LNPK: variants seen among roughly 807,000 people sequenced by gnomAD.
LNPK encodes endoplasmic reticulum junction formation protein lunapark.
In LNPK, 29 loss-of-function variants were observed where a neutral mutation model predicts 55.2. The observed-to-expected ratio is 0.53, with a 90% CI of 0.39 to 0.72. LNPK has a LOEUF of 0.72. Ranked by LOEUF, LNPK falls within the 30% of genes least tolerant of loss-of-function variation. LNPK has a pLI of 0.00. For synonymous variants in LNPK, 162 were observed against 168.2 expected (o/e 0.96, Z 0.29); for missense variants, 467 against 494.8 (o/e 0.94, Z 0.53).
At chr2:175,940,341 A>G (rs1458023259) in intron 9 of LNPK, among the ~76,000 whole-genome samples, 1 of 151,888 alleles carries the variant, frequency 6.6e-6, no homozygotes, top group East Asian at 2.0e-4. Flanking sequence ...GAAGGCACAG[A>G]GAAAGAACAA....
At chr2:175,982,944 A>G (rs1303040053) in intron 4 of LNPK, among the ~76,000 whole-genome samples, 1 of 152,234 alleles carries the variant, frequency 6.6e-6, no homozygotes, top group East Asian at 1.9e-4. Flanking sequence ...GAATAAAAAT[A>G]AAACTGCAAA....
chr2:175,966,093 T>TG (rs1339511786), intron 6 of LNPK, among the ~76,000 whole-genome samples: 1 of 152,166 alleles, frequency 6.6e-6, no homozygotes, highest in East Asian at 1.9e-4. Flanking sequence ...TTGTTTTAGA[T>TG]GGAGTCTCAC....
intron 6 of LNPK, among the ~76,000 whole-genome samples, chr2:175,966,541 T>C (rs1686362762): frequency 6.6e-6 from 1 of 152,220 alleles, no homozygotes; most frequent in African/African-American, 2.4e-5. Flanking sequence ...TGGTAGATTA[T>C]TCAGCAAGTA....
intron 4 of LNPK, among the ~76,000 whole-genome samples, chr2:175,982,129 G>T (rs1256507069): frequency 3.9e-5 from 6 of 152,062 alleles, no homozygotes; most frequent in Non-Finnish European, 2.9e-5. Context: ...TAACCCTCAA[G>T]GATTCCGCAA....
At chr2:175,934,879 C>A (rs1474108420) in intron 12 of LNPK, among the ~76,000 whole-genome samples, 1 of 151,716 alleles carries the variant, frequency 6.6e-6, no homozygotes. Context: ...AAAAAATATT[C>A]CAGGTATTCA....
chr2:175,925,551 G>A lies in LNPK; in HGVS notation c.*4416C>T, dbSNP rs1683972825. 6.6e-6 allele frequency: 1 copy of A among 152,198 alleles called. No homozygotes were observed. Among genetic ancestry groups the A allele is most frequent in the South Asian group, 2.1e-4 (1 of 4,832 alleles). 9.4% of individuals were successfully genotyped at this position (152,198 alleles called of 1,614,324 possible). On this transcript the variant is annotated 3_prime_UTR_variant, in exon 13 of 13. Transcript: ENST00000272748. ...TGGTGCAGATGCCAGCCATAACTAG[G>A]AGCAAAATTACACAGGGCTTTGCAG...
At chr2:175,981,472 G>T (rs1687170644) in intron 4 of LNPK, among the ~76,000 whole-genome samples, 1 of 152,146 alleles carries the variant, frequency 6.6e-6, no homozygotes, top group Non-Finnish European at 1.5e-5. Context: ...ATCTTATTGG[G>T]ATTTGAATTC....
chr2:175,981,082 G>C (rs897504675), intron 4 of LNPK, among the ~76,000 whole-genome samples: 3 of 152,132 alleles, frequency 2.0e-5, no homozygotes, highest in South Asian at 2.1e-4. Context: ...GAGTTAACCT[G>C]CAAGTAGTCA....
intron 9 of LNPK, 118 bp downstream of exon 9, chr2:175,947,362 T>C (rs920809418): frequency 7.8e-5 from 60 of 773,202 alleles, no homozygotes; most frequent in Non-Finnish European, 4.4e-5. Flanking sequence ...CTTAATCAGA[T>C]AACTGCTCTG....
Position 175,927,808 on chromosome 2 carries a change from G to T in LNPK, c.*2159C>A, listed in dbSNP as rs1684077967. 1 of 151,896 alleles carries T rather than the reference G, an allele frequency of 6.6e-6. No homozygotes were observed. The highest frequency in any genetic ancestry group is 1.5e-5 in the Non-Finnish European group (1 of 67,962). 9.4% of individuals were successfully genotyped at this position (151,896 alleles called of 1,614,324 possible). A position where few individuals can be genotyped will look rare whatever the true frequency, so the allele number is the denominator to read the frequency against. On this transcript the variant is annotated 3_prime_UTR_variant, in exon 13 of 13. Transcript: ENST00000272748. Reference sequence around the variant, plus strand: ...ATAATAATAATGAAAATAAGCTTTTGTATCTAAAAGGATACTATATGGTTA... The same window carrying T: ...ATAATAATAATGAAAATAAGCTTTTTTATCTAAAAGGATACTATATGGTTA...
intron 6 of LNPK, chr2:175,967,789 T>G: frequency 2.1e-6 from 2 of 968,210 alleles, no homozygotes; most frequent in Non-Finnish European, 2.5e-6. Context: ...GCATTTCTTC[T>G]GTTATTGTGT....
chr2:175,976,614 T>A (rs1574876678), intron 5 of LNPK, among the ~76,000 whole-genome samples: 1 of 152,174 alleles, frequency 6.6e-6, no homozygotes, highest in East Asian at 1.9e-4. Flanking sequence ...AAGGCCTGAA[T>A]AGAACAAAAA....
intron 6 of LNPK, among the ~76,000 whole-genome samples, chr2:175,965,820 C>G (rs1285940520): frequency 6.6e-6 from 1 of 151,282 alleles, no homozygotes; most frequent in African/African-American, 2.4e-5. Context: ...AAACTAGGAA[C>G]AGAGGTAGAA....
intron 9 of LNPK, among the ~76,000 whole-genome samples, chr2:175,946,832 T>G (rs1224872877): frequency 6.6e-6 from 1 of 152,180 alleles, no homozygotes; most frequent in Non-Finnish European, 1.5e-5. Flanking sequence ...TGGACTTCCA[T>G]GCCCCAGTCA....
intron 4 of LNPK, among the ~76,000 whole-genome samples, chr2:175,988,875 G>C (rs924819636): frequency 2.6e-5 from 4 of 152,114 alleles, no homozygotes; most frequent in Non-Finnish European, 5.9e-5. Flanking sequence ...CCGGGTTCAC[G>C]CCATTCTCCT....
upstream of LNPK, chr2:176,002,367 C>T: frequency 2.7e-6 from 1 of 373,008 alleles, no homozygotes; most frequent in East Asian, 8.7e-5. Flanking sequence ...TGACCGTACC[C>T]TGGGCGGGTA....
chr2:175,975,830 G>A (rs902062959), intron 5 of LNPK, among the ~76,000 whole-genome samples: 6 of 152,132 alleles, frequency 3.9e-5, no homozygotes, highest in African/African-American at 1.2e-4. Flanking sequence ...GGACAAAATG[G>A]TGAAACCCTG....
Position 175,929,268 on chromosome 2 carries a change from A to G in LNPK, c.*699T>C. On this transcript the variant is annotated 3_prime_UTR_variant, in exon 13 of 13. Transcript: ENST00000272748. ...ATTTCCTATATGCTAGTGTGTAAATATAAACTAATTATATACATAATGTGC... is the reference window on the plus strand; with the variant it reads ...ATTTCCTATATGCTAGTGTGTAAATGTAAACTAATTATATACATAATGTGC... 1.0e-6 allele frequency: 1 copy of G among 968,210 alleles called. No individual in the cohort carries two copies. The highest frequency in any genetic ancestry group is 4.8e-5 in the South Asian group (1 of 21,006). The allele number at this position is 968,210 out of a possible 1,614,324, so 60.0% of individuals were successfully genotyped here.
In LNPK at chr2:175,927,574, C is replaced by T. The variant is rs942723766; in HGVS notation, c.*2393G>A. 2.6e-5 allele frequency: 4 copies of T among 152,052 alleles called. No individual in the cohort carries two copies. The highest frequency in any genetic ancestry group is 4.8e-5 in the African/African-American group (2 of 41,382). 9.4% of individuals were successfully genotyped at this position (152,052 alleles called of 1,614,324 possible). A position where few individuals can be genotyped will look rare whatever the true frequency, so the allele number is the denominator to read the frequency against. On this transcript the variant is annotated 3_prime_UTR_variant, in exon 13 of 13. Transcript: ENST00000272748. ...CCATATGGCTACAGCACAATGATGG[C>T]GGGAAGACGGAGAGACAGAAGCTAG...
Sources: gnomAD v4.1 joint callset for allele counts (sites outside exome capture counted in the v4.1 genomes callset) on GRCh38, gnomAD v4.1.1 for gene constraint, MANE v1.5 for transcripts, NCBI Gene and HGNC (gene_info 2026-07-23, HGNC 2026-07-21) for gene names.